Variants in PTPRD observed in about 807,000 individuals in gnomAD.
PTPRD encodes the protein receptor-type tyrosine-protein phosphatase delta.
Under a neutral mutation model 214.5 loss-of-function variants are expected in PTPRD, and 34 were observed. That is an observed-to-expected ratio of 0.16 (90% confidence interval 0.12 to 0.21). The LOEUF is 0.21. Ranked by LOEUF, PTPRD falls within the 10% of genes least tolerant of loss-of-function variation. The probability of loss-of-function intolerance (pLI) is 1.00; values close to 1 mark genes in which losing one functional copy is unlikely to be tolerated. For missense variants in PTPRD, 2,545 were observed against 2,398.7 expected, an observed-to-expected ratio of 1.06 and a Z score of -1.27; for synonymous variants, 1,128 against 845.7, an observed-to-expected ratio of 1.33 and a Z score of -5.79.
chr9:8,706,343 G>A (rs528840760), intron 12 of PTPRD, among the ~76,000 whole-genome samples: 9 of 152,146 alleles, frequency 5.9e-5, no homozygotes, highest in African/African-American at 1.9e-4. Context: ...AGTCTGACTC[G>A]AATATTATTG....
chr9:9,853,401 C>A (rs555592613), intron 5 of PTPRD, among the ~76,000 whole-genome samples: 2 of 152,092 alleles, frequency 1.3e-5, no homozygotes, highest in Non-Finnish European at 2.9e-5. Flanking sequence ...TGTTTCAGGA[C>A]CATATGAAAA....
chr9:10,375,362 A>G (rs543441134), intron 2 of PTPRD, among the ~76,000 whole-genome samples: 1 of 152,132 alleles, frequency 6.6e-6, no homozygotes, highest in Non-Finnish European at 1.5e-5. Context: ...TGTCTACGTT[A>G]TTATGTGCAT....
At chr9:8,733,381 T>C (rs1188950939) in intron 12 of PTPRD, among the ~76,000 whole-genome samples, 1 of 152,158 alleles carries the variant, frequency 6.6e-6, no homozygotes, top group Non-Finnish European at 1.5e-5. Flanking sequence ...ACATTGTGCA[T>C]TTTTCTAAAC....
At chr9:10,407,362 A>G (rs2098380638) in intron 2 of PTPRD, among the ~76,000 whole-genome samples, 1 of 151,484 alleles carries the variant, frequency 6.6e-6, no homozygotes, top group African/African-American at 2.4e-5. Context: ...CTTTGCGAGA[A>G]TATCCTCGTT....
intron 7 of PTPRD, among the ~76,000 whole-genome samples, chr9:9,595,772 A>G (rs764627308): frequency 2.0e-5 from 3 of 151,744 alleles, no homozygotes; most frequent in Admixed American, 6.6e-5. Flanking sequence ...GAATGATACA[A>G]TGGACTTTGA....
intron 11 of PTPRD, chr9:8,962,268 C>T (rs1188013127): frequency 6.6e-6 from 1 of 152,136 alleles, no homozygotes; most frequent in Non-Finnish European, 1.5e-5. Context: ...TTTGCAGAGC[C>T]ACTGTGTGTG....
At chr9:10,116,642 A>G (rs537871714) in intron 3 of PTPRD, among the ~76,000 whole-genome samples, 1 of 152,260 alleles carries the variant, frequency 6.6e-6, no homozygotes, top group Admixed American at 6.5e-5. Flanking sequence ...CGAACAGTCC[A>G]GACTGCTAAA....
At chr9:10,223,706 T>TAATAATAAG (rs1420939173) in intron 3 of PTPRD, among the ~76,000 whole-genome samples, 11 of 145,196 alleles carry the variant, frequency 7.6e-5, no homozygotes, top group African/African-American at 2.7e-4. Flanking sequence ...ATAATAATAA[T>TAATAATAAG]AATAATAAAG....
intron 10 of PTPRD, among the ~76,000 whole-genome samples, chr9:9,024,452 G>A (rs2099580779): frequency 6.7e-6 from 1 of 149,042 alleles, no homozygotes; most frequent in African/African-American, 2.5e-5. Flanking sequence ...ATTGCTGGAT[G>A]CAGTCAAGCT....
chr9:10,114,618 ATATG>A (rs1462043415), intron 3 of PTPRD, among the ~76,000 whole-genome samples: 2 of 152,072 alleles, frequency 1.3e-5, no homozygotes, highest in Non-Finnish European at 2.9e-5. Context: ...ATTTGTGCAT[ATATG>A]TATGTTTGCA....
intron 26 of PTPRD, among the ~76,000 whole-genome samples, chr9:8,494,968 T>C (rs1010956412): frequency 6.6e-6 from 1 of 152,168 alleles, no homozygotes; most frequent in Non-Finnish European, 1.5e-5. Context: ...TTGCTTCTTG[T>C]CCCTGACTGT....
intron 4 of PTPRD, among the ~76,000 whole-genome samples, chr9:9,975,281 G>C (rs1310217996): frequency 1.3e-5 from 2 of 152,126 alleles, no homozygotes; most frequent in African/African-American, 2.4e-5. Flanking sequence ...AAATCCTCTA[G>C]CTCCTCTCTT....
chr9:9,454,861 A>T (rs2092763997), intron 8 of PTPRD, among the ~76,000 whole-genome samples: 1 of 147,780 alleles, frequency 6.8e-6, no homozygotes, highest in Non-Finnish European at 1.5e-5. Flanking sequence ...ACATATATAT[A>T]TATACATATT....
At chr9:8,534,049 T>G (rs2076336919) in intron 14 of PTPRD, among the ~76,000 whole-genome samples, 1 of 152,070 alleles carries the variant, frequency 6.6e-6, no homozygotes, top group Admixed American at 6.6e-5. Context: ...AATGGCTGTT[T>G]GTGACTTTAT....
intron 5 of PTPRD, among the ~76,000 whole-genome samples, chr9:9,851,626 C>T (rs918938214): frequency 6.6e-6 from 1 of 152,132 alleles, no homozygotes; most frequent in African/African-American, 2.4e-5. Context: ...TATAATTTCA[C>T]TGGGTTAGCT....
chr9:8,524,422 G>C (rs1349724065), intron 18 of PTPRD, among the ~76,000 whole-genome samples: 1 of 152,150 alleles, frequency 6.6e-6, no homozygotes, highest in South Asian at 2.1e-4. Flanking sequence ...AAATGCAACT[G>C]TGCTATTTGC....
rs894040589 is a variant in PTPRD at position 8,988,001 on chromosome 9, G to A, written c.-104+30696C>T. Among the ~76,000 whole-genome samples the A allele has an allele frequency of 6.6e-5, 10 of 151,872 alleles. No homozygotes were observed. In the South Asian group the frequency reaches 8.3e-4, roughly 13 times the overall value. On this transcript the variant is annotated intron_variant, in intron 11 of 45. Transcript: ENST00000381196. The stretch of plus-strand genomic sequence containing the variant: ...ATGGTAGAAATATGAGGGAAGTGGA[G>A]TGAAAGCAAAAGGGAGAGAGAGGCC...
intron 12 of PTPRD, among the ~76,000 whole-genome samples, chr9:8,697,433 T>C (rs2154387662): frequency 6.9e-6 from 1 of 144,508 alleles, no homozygotes; most frequent in African/African-American, 2.5e-5. Flanking sequence ...TTTTTTTTTT[T>C]TTTTTTTGAG....
intron 7 of PTPRD, among the ~76,000 whole-genome samples, chr9:9,660,750 T>C (rs2096607356): frequency 3.3e-5 from 5 of 151,984 alleles, no homozygotes; most frequent in Non-Finnish European, 7.4e-5. Context: ...GTGATTTCCT[T>C]TGCCTTTATT....
Sources: gnomAD v4.1 joint callset for allele counts (sites outside exome capture counted in the v4.1 genomes callset) on GRCh38, gnomAD v4.1.1 for gene constraint, MANE v1.5 for transcripts, NCBI Gene and HGNC (gene_info 2026-07-23, HGNC 2026-07-21) for gene names.